USP25: variants seen among roughly 807,000 people sequenced by gnomAD.
The protein encoded by USP25 is ubiquitin carboxyl-terminal hydrolase 25.
USP25 carries 85 observed loss-of-function variants against 158.5 expected under a neutral mutation model. That is an observed-to-expected ratio of 0.54 (90% CI 0.45 to 0.64). USP25 has a LOEUF of 0.64. Among genes scored for constraint, USP25 ranks in the 30% least tolerant of loss-of-function variants. The probability of loss-of-function intolerance (pLI) is 0.00; values close to 1 mark genes in which losing one functional copy is unlikely to be tolerated. For synonymous variants in USP25, 464 were observed against 460.4 expected, an observed-to-expected ratio of 1.01 and a Z score of -0.10; for missense variants, 1,242 against 1,327.3, an observed-to-expected ratio of 0.94 and a Z score of 1.00.
chr21:15,765,854 C>T, intron 2 of USP25, 143 bp from the exon 3 acceptor site: 1 of 672,490 alleles, frequency 1.5e-6, no homozygotes, highest in Non-Finnish European at 2.3e-6. Context: ...GATGCATTTA[C>T]ACTATAAAAT....
At position 15,879,828 on chromosome 21, in the gene USP25, A is replaced by G. The variant is rs1443884979; in HGVS notation, c.*1353A>G. ...TATGCTATTATATGATGCTGTTTGT[A>G]AAGGTATTAATGTACTAGTAAGGTG... On this transcript the variant is annotated 3_prime_UTR_variant, in exon 26 of 26. Coordinates refer to ENST00000400183, the MANE Select transcript of USP25 (RefSeq NM_001283041.3). 6.6e-6 allele frequency: 1 copy of G among 152,586 alleles called. No homozygotes were observed. The highest frequency in any genetic ancestry group is 1.9e-4 in the East Asian group (1 of 5,194). The allele number at this position is 152,586 out of a possible 1,614,324, so 9.5% of individuals were successfully genotyped here. A position where few individuals can be genotyped will look rare whatever the true frequency, so the allele number is the denominator to read the frequency against.
At chr21:15,757,986 C>G (rs575927592) in intron 1 of USP25, among the ~76,000 whole-genome samples, 3 of 152,126 alleles carry the variant, frequency 2.0e-5, no homozygotes, top group African/African-American at 7.2e-5. Flanking sequence ...GTAAGGAAAA[C>G]TTCTGTATAG....
At chr21:15,866,029 A>G (rs761976676) in intron 21 of USP25, among the ~76,000 whole-genome samples, 1 of 152,112 alleles carries the variant, frequency 6.6e-6, no homozygotes, top group Non-Finnish European at 1.5e-5. Context: ...TTTAAAAGCC[A>G]TATATCAATA....
chr21:15,782,807 A>G (rs1045529387), intron 4 of USP25, among the ~76,000 whole-genome samples: 1 of 152,148 alleles, frequency 6.6e-6, no homozygotes, highest in Non-Finnish European at 1.5e-5. Context: ...TGTCCATTAC[A>G]TGCACAGGTA....
chr21:15,769,828 G>A (rs1019147381), intron 3 of USP25, among the ~76,000 whole-genome samples: 3 of 152,084 alleles, frequency 2.0e-5, no homozygotes, highest in Non-Finnish European at 4.4e-5. Context: ...ACAATTGAGC[G>A]ATCAAAAGAT....
At chr21:15,748,492 G>T (rs1375765440) in intron 1 of USP25, among the ~76,000 whole-genome samples, 1 of 140,444 alleles carries the variant, frequency 7.1e-6, no homozygotes, top group African/African-American at 2.7e-5. Flanking sequence ...TAGAGATGGG[G>T]TCTCGCTCTG....
rs549411231 is a variant in USP25, at chr21:15,852,660, A to AT, written c.2547+2795dup. Reference sequence around the variant, plus strand: ...TCAAGGACCTTTATTTGCTAATAGAATTTTTTTAACTCATTTGTTAGAAAT... The same window carrying AT: ...TCAAGGACCTTTATTTGCTAATAGAATTTTTTTTAACTCATTTGTTAGAAAT... On this transcript the variant is annotated intron_variant, in intron 20 of 25. Transcript: ENST00000400183. 8.6e-4 allele frequency among the ~76,000 whole-genome samples: 131 copies of AT among 152,246 alleles called. 1 individual carries two copies. Among genetic ancestry groups the AT allele is most frequent in the African/African-American group, 3.0e-3 (123 of 41,554 alleles).
chr21:15,834,883 A>C (rs2037987679), intron 17 of USP25, among the ~76,000 whole-genome samples: 1 of 152,226 alleles, frequency 6.6e-6, no homozygotes, highest in South Asian at 2.1e-4. Flanking sequence ...AGAGCAGGTG[A>C]AGCTATGTGG....
At chr21:15,802,502 A>G (rs923496309) in intron 6 of USP25, among the ~76,000 whole-genome samples, 5 of 151,616 alleles carry the variant, frequency 3.3e-5, no homozygotes, top group Non-Finnish European at 7.4e-5. Context: ...ATATACAGAA[A>G]ATCCCCAGAT....
In USP25 at chr21:15,766,827, G is replaced by A. The variant is rs2034065737; in HGVS notation, c.268+686G>A. 6.6e-6 allele frequency among the ~76,000 whole-genome samples: 1 copy of A among 151,900 alleles called. No homozygotes were observed. The highest frequency in any genetic ancestry group is 1.5e-5 in the Non-Finnish European group (1 of 67,914). ...ACTACATAAAAATAGTTACTTTTAT[G>A]CCTTATGGATTTGCAAAGTTTGATT... On this transcript the variant is annotated intron_variant, in intron 3 of 25. Transcript: ENST00000400183. This position sits in a 1 kb window ranked among gnomAD's most constrained non-coding sequence, Gnocchi z 4.0.
Position 15,849,866 on chromosome 21 carries a change from C to G in USP25, c.2541C>G (p.Phe847Leu). 2 of 1,508,650 alleles carry G rather than the reference C, an allele frequency of 1.3e-6. No homozygotes were observed. The highest frequency in any genetic ancestry group is 2.5e-5 in the East Asian group (1 of 40,094). 93.5% of individuals were successfully genotyped at this position (1,508,650 alleles called of 1,614,324 possible). A position where few individuals can be genotyped will look rare whatever the true frequency, so the allele number is the denominator to read the frequency against. The change falls in exon 20 of 26, where the codon TTC (phenylalanine) becomes TTG (leucine). Residue 847 changes from phenylalanine to leucine, a missense_variant. Phe to Leu is a conservative substitution (Grantham distance 22, BLOSUM62 0). Around this residue, in one of 3 missense-constraint regions of USP25, gnomAD observed 608 missense variants for 605.2 expected, o/e 1.00. Coordinates refer to ENST00000400183, the MANE Select transcript of USP25 (RefSeq NM_001283041.3). ...ACAGGTGTGGCCCTGAAGCAGGGTT[C>G]TTTAAGGTACAATGAACATTTTCAT... ...VYDRCGPEAG[F>L]FKAIKLEYAR...
At chr21:15,732,270 T>A (rs978122171) in intron 1 of USP25, among the ~76,000 whole-genome samples, 9 of 152,370 alleles carry the variant, frequency 5.9e-5, no homozygotes, top group Admixed American at 5.2e-4. Flanking sequence ...GGATTTTTTT[T>A]AGAGAAACTT....
chr21:15,734,141 C>T (rs2031248591), intron 1 of USP25, among the ~76,000 whole-genome samples: 1 of 152,142 alleles, frequency 6.6e-6, no homozygotes, highest in Non-Finnish European at 1.5e-5. Flanking sequence ...AGAATGGAAG[C>T]AGAGGAATCT....
chr21:15,879,563 A>G lies in USP25; in HGVS notation c.*1088A>G, dbSNP rs556265043. On this transcript the variant is annotated 3_prime_UTR_variant, in exon 26 of 26. Coordinates refer to ENST00000400183, the MANE Select transcript of USP25 (RefSeq NM_001283041.3). ...TGTAGAACATTTTGTAGATGAAACT[A>G]CTGTTTAAGATTAATGAATTAATAT... 1 of 152,526 alleles carries G rather than the reference A, an allele frequency of 6.6e-6. No homozygotes were observed. Among genetic ancestry groups the G allele is most frequent in the East Asian group, 1.9e-4 (1 of 5,192 alleles). 9.4% of individuals were successfully genotyped at this position (152,526 alleles called of 1,614,324 possible). A position where few individuals can be genotyped will look rare whatever the true frequency, so the allele number is the denominator to read the frequency against.
intron 1 of USP25, among the ~76,000 whole-genome samples, chr21:15,739,985 G>C (rs903858777): frequency 2.6e-5 from 4 of 152,142 alleles, no homozygotes; most frequent in African/African-American, 9.7e-5. Context: ...CTCTGCTTCA[G>C]TACAGACCAT....
intron 17 of USP25, among the ~76,000 whole-genome samples, chr21:15,837,855 G>A (rs577477265): frequency 3.9e-5 from 6 of 152,080 alleles, no homozygotes; most frequent in Non-Finnish European, 7.4e-5. Flanking sequence ...AGGAGAGTAC[G>A]GTTGGATCCT....
chr21:15,788,065 T>G (rs2035392536), intron 4 of USP25, among the ~76,000 whole-genome samples: 1 of 151,962 alleles, frequency 6.6e-6, no homozygotes, highest in Admixed American at 6.6e-5. Context: ...TCATGACCAA[T>G]TTTGAGAAGA....
At chr21:15,736,205 C>G (rs567424024) in intron 1 of USP25, among the ~76,000 whole-genome samples, 36 of 152,046 alleles carry the variant, frequency 2.4e-4, no homozygotes, top group Admixed American at 2.1e-3. Flanking sequence ...TCAAGCAATT[C>G]TCCTGCCTCA....
chr21:15,862,492 TAATTG>T (rs550139513), intron 20 of USP25, among the ~76,000 whole-genome samples: 48 of 151,980 alleles, frequency 3.2e-4, no homozygotes, highest in Non-Finnish European at 6.6e-4. Context: ...ACAAGAACAG[TAATTG>T]AATTGTTAAT....
Sources: gnomAD v4.1 joint callset for allele counts (sites outside exome capture counted in the v4.1 genomes callset) on GRCh38, gnomAD v4.1.1 for gene constraint, gnomAD v4.1.1 regional missense constraint, Gnocchi (gnomAD v3.1) non-coding constraint, MANE v1.5 for transcripts, NCBI Gene and HGNC (gene_info 2026-07-23, HGNC 2026-07-21) for gene names.